The following EMC8 variants were observed in gnomAD, a reference collection of about 807,000 sequenced individuals.
EMC8 encodes the protein COX4 neighbor.
Under a neutral mutation model 24.3 loss-of-function variants are expected in EMC8, and 11 were observed. The ratio of observed to expected loss-of-function variants is 0.45; its 90% CI spans 0.28 to 0.75. The LOEUF (loss-of-function observed/expected upper bound fraction) is 0.75. EMC8 is among the 30% of genes least tolerant of loss of function. The pLI is 0.12. For synonymous variants in EMC8, 145 were observed against 117.7 expected (o/e 1.23, Z -1.50); for missense variants, 277 against 282.7 (o/e 0.98, Z 0.14).
chr16:85,788,916 G>T, intron 2 of EMC8, 58 bp downstream of exon 2: 1 of 1,219,106 alleles, frequency 8.2e-7, no homozygotes. Flanking sequence ...CACGAGAGAC[G>T]GGGTCTGCCC....
intron 1 of EMC8, among the ~76,000 whole-genome samples, chr16:85,793,752 G>C (rs953241016): frequency 6.6e-6 from 1 of 152,180 alleles, no homozygotes; most frequent in African/African-American, 2.4e-5. Flanking sequence ...CACCGCACTA[G>C]AAATCAACAA....
intron 2 of EMC8, among the ~76,000 whole-genome samples, chr16:85,786,972 C>A (rs1267156904): frequency 6.6e-6 from 1 of 151,884 alleles, no homozygotes; most frequent in Non-Finnish European, 1.5e-5. Flanking sequence ...CATCTGACAA[C>A]CTGGTGCCAT....
chr16:85,799,350 G>T lies in EMC8; in HGVS notation c.-55C>A. 1 of 1,162,338 alleles carries T rather than the reference G, an allele frequency of 8.6e-7. No individual in the cohort carries two copies. Among genetic ancestry groups the T allele is most frequent in the Non-Finnish European group, 1.2e-6 (1 of 863,594 alleles). The allele number at this position is 1,162,338 out of a possible 1,614,324, so 72.0% of individuals were successfully genotyped here. ...GGGCGCGCGGCTGAGGCCTGGACCC[G>T]CTGCCTGGCCGCGCGGCGCCTCAGC... On this transcript the variant is annotated 5_prime_UTR_variant, in exon 1 of 5. Coordinates refer to ENST00000253457, the MANE Select transcript of EMC8 (RefSeq NM_006067.5). This position sits in a 1 kb window ranked among gnomAD's most constrained non-coding sequence, Gnocchi z 4.2.
chr16:85,789,941 G>C (rs1198571902), intron 1 of EMC8, among the ~76,000 whole-genome samples: 1 of 152,170 alleles, frequency 6.6e-6, no homozygotes, highest in Non-Finnish European at 1.5e-5. Context: ...TCTCCGGCGT[G>C]CTTTGAAATG....
chr16:85,792,076 A>G (rs1905037350), intron 1 of EMC8, among the ~76,000 whole-genome samples: 1 of 152,182 alleles, frequency 6.6e-6, no homozygotes, highest in Non-Finnish European at 1.5e-5. Flanking sequence ...TGGCTACTCC[A>G]TCTCTTTCCT....
chr16:85,786,786 A>G (rs983612373), intron 2 of EMC8, among the ~76,000 whole-genome samples: 3 of 152,218 alleles, frequency 2.0e-5, no homozygotes, highest in African/African-American at 7.2e-5. Context: ...TCCGAGTAGG[A>G]TAATTCCAGG....
intron 2 of EMC8, among the ~76,000 whole-genome samples, chr16:85,787,901 T>C (rs1904825306): frequency 6.6e-6 from 1 of 152,214 alleles, no homozygotes; most frequent in Non-Finnish European, 1.5e-5. Context: ...TGGTGCCTCA[T>C]CAGTGATAGC....
chr16:85,794,529 TAAA>T (rs553142587), intron 1 of EMC8, among the ~76,000 whole-genome samples: 2 of 151,902 alleles, frequency 1.3e-5, no homozygotes, highest in South Asian at 4.2e-4. Flanking sequence ...TCTACTAAAA[TAAA>T]AAAGAAATCA....
At chr16:85,792,923 G>C (rs533497561) in intron 1 of EMC8, 1 of 152,292 alleles carries the variant, frequency 6.6e-6, no homozygotes, top group Admixed American at 6.5e-5. Context: ...TAAAAGGTCA[G>C]GAGAAAACTC....
chr16:85,787,076 C>G (rs73259038), intron 2 of EMC8, among the ~76,000 whole-genome samples: 86 of 152,296 alleles, frequency 5.6e-4, no homozygotes, highest in African/African-American at 2.0e-3. Flanking sequence ...GTGCTCCCCA[C>G]TGCTTGCAAG....
chr16:85,792,422 G>C (rs1454338032), intron 1 of EMC8: 2 of 152,190 alleles, frequency 1.3e-5, no homozygotes, highest in African/African-American at 4.8e-5. Flanking sequence ...AACCAAGTTA[G>C]CTGTATGGAT....
Position 85,780,439 on chromosome 16 carries a change from G to A in EMC8, c.413C>T (p.Ala138Val), listed in dbSNP as rs200357634. The change falls in exon 4 of 5, where the codon GCG becomes GTG. Residue 138 changes from alanine to valine, a missense_variant. Transcript: ENST00000253457. ...GTGCTCGTACACGTGGATCGTAGGC[G>A]CTACGCAGTCCATCGTAAACTTGGT... The part of the protein sequence containing the change: ...DNTKFTMDCV[A>V]PTIHVYEHHE... 269 of 1,614,152 alleles carry A rather than the reference G, an allele frequency of 1.7e-4. 2 individuals are homozygous for A. Among genetic ancestry groups the A allele is most frequent in the Middle Eastern group, 3.3e-4 (2 of 6,062 alleles).
intron 3 of EMC8, 61 bp downstream of exon 3, chr16:85,781,150 A>T (rs1195599407): frequency 8.3e-7 from 1 of 1,207,506 alleles, no homozygotes; most frequent in Non-Finnish European, 1.2e-6. Context: ...CCGCAGAGCA[A>T]GCTCCAGGTT....
chr16:85,798,265 G>T (rs965602451), intron 1 of EMC8, among the ~76,000 whole-genome samples: 2 of 151,864 alleles, frequency 1.3e-5, no homozygotes, highest in African/African-American at 4.8e-5. Flanking sequence ...GGGATGACAG[G>T]CGCCCGCCAC....
chr16:85,788,548 G>T (rs1904860221), intron 2 of EMC8, among the ~76,000 whole-genome samples: 1 of 152,222 alleles, frequency 6.6e-6, no homozygotes, highest in Non-Finnish European at 1.5e-5. Flanking sequence ...TATAAAGGGG[G>T]CAGCAAATAC....
intron 1 of EMC8, among the ~76,000 whole-genome samples, chr16:85,796,397 A>C (rs1905245153): frequency 6.6e-6 from 1 of 151,924 alleles, no homozygotes; most frequent in Non-Finnish European, 1.5e-5. Context: ...CTCCGTACCC[A>C]TGCTGCACTC....
At chr16:85,790,862 C>T (rs143645228) in intron 1 of EMC8, among the ~76,000 whole-genome samples, 142 of 152,182 alleles carry the variant, frequency 9.3e-4, no homozygotes, top group Non-Finnish European at 1.9e-3. Flanking sequence ...AGTCTCGCTC[C>T]GTTGTCCGGG....
In EMC8 at chr16:85,779,271, G is replaced by A. The variant is rs144759709; in HGVS notation, c.*437C>T. The A allele has an allele frequency of 6.3e-4, 103 of 162,972 alleles. No individual in the cohort carries two copies. Among genetic ancestry groups the A allele is most frequent in the Non-Finnish European group, 9.3e-4 (70 of 74,938 alleles). The allele number at this position is 162,972 out of a possible 1,614,324, so 10.1% of individuals were successfully genotyped here. On this transcript the variant is annotated 3_prime_UTR_variant, in exon 5 of 5. Transcript: ENST00000253457. Reference sequence around the variant, plus strand: ...TACCCTGATCCCAGGACGCCTGGACGACATCAAAATTCAAACAGGATAAAA... The same window carrying A: ...TACCCTGATCCCAGGACGCCTGGACAACATCAAAATTCAAACAGGATAAAA...
chr16:85,781,350 C>T, intron 2 of EMC8, 70 bp from the exon 3 acceptor site: 2 of 973,216 alleles, frequency 2.1e-6, no homozygotes, highest in Non-Finnish European at 3.3e-6. Context: ...GCACAGTCAA[C>T]ACCACTGAGA....
Sources: allele counts gnomAD v4.1 joint callset (sites outside exome capture counted in the v4.1 genomes callset), GRCh38; gene constraint gnomAD v4.1.1; non-coding constraint Gnocchi (gnomAD v3.1); transcripts MANE v1.5; gene names NCBI Gene and HGNC (gene_info 2026-07-23, HGNC 2026-07-21).